MAML3: variants seen among roughly 807,000 people sequenced by gnomAD.
MAML3 encodes mastermind like transcriptional coactivator 3.
MAML3 carries 27 observed loss-of-function variants against 101.9 expected under a neutral mutation model. The observed-to-expected ratio is 0.27, with a 90% CI of 0.20 to 0.37. The LOEUF is 0.37. MAML3 is among the 10% of genes least tolerant of loss of function. The probability of loss-of-function intolerance (pLI) is 1.00; values close to 1 mark genes in which losing one functional copy is unlikely to be tolerated. For synonymous variants in MAML3, 501 were observed against 555.9 expected (o/e 0.90, Z 1.39); for missense variants, 1,316 against 1,444.9 (o/e 0.91, Z 1.45).
intron 2 of MAML3, among the ~76,000 whole-genome samples, chr4:139,788,086 G>A (rs78619990): frequency 4.5e-4 from 69 of 152,316 alleles, no homozygotes; most frequent in African/African-American, 1.3e-3. Flanking sequence ...TGAAGATGAG[G>A]CACCAGAGTC....
intron 2 of MAML3, chr4:139,740,598 A>G (rs916047887): frequency 1.3e-5 from 2 of 151,322 alleles, no homozygotes; most frequent in African/African-American, 4.9e-5. Context: ...TATTGTACCC[A>G]CCCTTTCTGA....
At chr4:140,122,564 G>T (rs988920930) in intron 1 of MAML3, among the ~76,000 whole-genome samples, 11 of 151,904 alleles carry the variant, frequency 7.2e-5, no homozygotes, top group Middle Eastern at 6.8e-3. Flanking sequence ...AGGCCGAGGC[G>T]GGCGGATCAC....
At chr4:139,780,627 T>C (rs4263344) in intron 2 of MAML3, among the ~76,000 whole-genome samples, 123 of 104,352 alleles carry the variant, frequency 1.2e-3, no homozygotes, top group African/African-American at 1.1e-3. Flanking sequence ...TCTTTTCTTT[T>C]TTTTTTTTTT....
At chr4:140,072,244 G>T (rs535736563) in intron 1 of MAML3, among the ~76,000 whole-genome samples, 2 of 152,122 alleles carry the variant, frequency 1.3e-5, no homozygotes, top group Non-Finnish European at 2.9e-5. Flanking sequence ...CCAAATATTT[G>T]AAGGAAAAAA....
In MAML3 at chr4:139,978,611, C is replaced by CAAAAAAAAAAAAAA. The variant is rs71584346; in HGVS notation, c.469-87645_469-87644insTTTTTTTTTTTTTT. Among the ~76,000 whole-genome samples, 80 of 122,250 alleles carry CAAAAAAAAAAAAAA rather than the reference C, an allele frequency of 6.5e-4. 1 individual carries two copies. The highest frequency in any genetic ancestry group is 2.1e-3 in the African/African-American group (73 of 35,072). The allele number at this position is 122,250 out of a possible 152,430, so 80.2% of individuals were successfully genotyped here. On this transcript the variant is annotated intron_variant, in intron 1 of 4. Transcript: ENST00000509479. ...CATGACTTCCCAGCATCAACCACAT[C>CAAAAAAAAAAAAAA]AAAAAAAAAGAGAGAGAGAGAGAGC...
chr4:139,844,153 C>T (rs186121885), intron 2 of MAML3, among the ~76,000 whole-genome samples: 4 of 152,298 alleles, frequency 2.6e-5, no homozygotes, highest in Admixed American at 2.0e-4. Context: ...CAGCTTGTTC[C>T]AAAACCTCTG....
At chr4:139,820,055 T>A (rs1730949891) in intron 2 of MAML3, among the ~76,000 whole-genome samples, 1 of 152,188 alleles carries the variant, frequency 6.6e-6, no homozygotes, top group South Asian at 2.1e-4. Context: ...CCCTTATCCA[T>A]ATGACTGCCA....
At chr4:139,910,414 C>T (rs1175260345) in intron 1 of MAML3, among the ~76,000 whole-genome samples, 3 of 152,188 alleles carry the variant, frequency 2.0e-5, no homozygotes, top group Non-Finnish European at 4.4e-5. Context: ...CATGTGGCTA[C>T]TGAATACTTG....
intron 2 of MAML3, among the ~76,000 whole-genome samples, chr4:139,837,222 C>T (rs143406853): frequency 9.9e-5 from 15 of 151,592 alleles, no homozygotes; most frequent in African/African-American, 2.9e-4. Context: ...TCCTGGCCGG[C>T]GTGGTGGCTC....
chr4:139,917,070 T>A (rs1733042706), intron 1 of MAML3, among the ~76,000 whole-genome samples: 1 of 152,194 alleles, frequency 6.6e-6, no homozygotes, highest in Non-Finnish European at 1.5e-5. Context: ...TGCAGAATTT[T>A]GTGGGTATGT....
In MAML3 at chr4:139,848,180, A is replaced by G. The variant is rs1472066864; in HGVS notation, c.2079+41177T>C. On this transcript the variant is annotated intron_variant, in intron 2 of 4. Transcript: ENST00000509479. The stretch of plus-strand genomic sequence containing the variant: ...TAGTGGCTGATCAGTTGCAACAAAT[A>G]TGCTGCCACTGCTGCTGCTGCACCT... 2.0e-5 allele frequency among the ~76,000 whole-genome samples: 3 copies of G among 152,218 alleles called. No homozygotes were observed. The East Asian group carries it at 5.8e-4, about 29-fold the overall frequency.
At chr4:139,784,929 G>A (rs918105109) in intron 2 of MAML3, among the ~76,000 whole-genome samples, 51 of 152,296 alleles carry the variant, frequency 3.3e-4, no homozygotes, top group Non-Finnish European at 2.4e-4. Flanking sequence ...CATTGGAGAC[G>A]AGGAGGGGTG....
intron 1 of MAML3, among the ~76,000 whole-genome samples, chr4:140,009,891 C>T (rs1183189970): frequency 1.3e-5 from 2 of 152,176 alleles, no homozygotes; most frequent in Non-Finnish European, 2.9e-5. Flanking sequence ...CTCATAATAT[C>T]ATTAATTAGA....
At chr4:139,825,494 A>C (rs1731046455) in intron 2 of MAML3, among the ~76,000 whole-genome samples, 1 of 152,152 alleles carries the variant, frequency 6.6e-6, no homozygotes, top group South Asian at 2.1e-4. Flanking sequence ...TATCATGCAG[A>C]GAATCTGGGA....
chr4:139,912,778 G>T (rs1171735576), intron 1 of MAML3, among the ~76,000 whole-genome samples: 2 of 152,254 alleles, frequency 1.3e-5, no homozygotes, highest in Admixed American at 1.3e-4. Flanking sequence ...AAACCAAGAA[G>T]AGTTAAGGAA....
chr4:139,835,059 C>A lies in MAML3; in HGVS notation c.2079+54298G>T, dbSNP rs186084104. On this transcript the variant is annotated intron_variant, in intron 2 of 4. Transcript: ENST00000509479. The stretch of plus-strand genomic sequence containing the variant: ...AATCCCACTTATAGGGAGAGGGGAA[C>A]AAGACAAGGGGGATCTCCCCACTTC... 1.7e-3 allele frequency among the ~76,000 whole-genome samples: 253 copies of A among 152,330 alleles called. 2 individuals are homozygous for A. Among genetic ancestry groups the A allele is most frequent in the Non-Finnish European group, 3.0e-3 (206 of 68,022 alleles).
chr4:140,088,899 T>C (rs1232729576), intron 1 of MAML3, among the ~76,000 whole-genome samples: 1 of 152,190 alleles, frequency 6.6e-6, no homozygotes, highest in Non-Finnish European at 1.5e-5. Flanking sequence ...GTGCTTTCAG[T>C]GTGGAATTTC....
At chr4:139,985,165 C>T (rs1344127093) in intron 1 of MAML3, among the ~76,000 whole-genome samples, 1 of 152,124 alleles carries the variant, frequency 6.6e-6, no homozygotes, top group African/African-American at 2.4e-5. Flanking sequence ...AAAAACAGGC[C>T]AAGCTGACAG....
chr4:139,731,433 A>T (rs1041038905), intron 2 of MAML3: 1 of 112,076 alleles, frequency 8.9e-6, no homozygotes, highest in African/African-American at 3.7e-5. Context: ...CCCTGTCTCT[A>T]CTAAAAAAAA....
Sources: gnomAD v4.1 joint callset for allele counts (sites outside exome capture counted in the v4.1 genomes callset) on GRCh38, gnomAD v4.1.1 for gene constraint, MANE v1.5 for transcripts, NCBI Gene and HGNC (gene_info 2026-07-23, HGNC 2026-07-21) for gene names.